Variants in ATG5 observed in about 807,000 individuals in gnomAD.
The protein encoded by ATG5 is autophagy protein 5.
Under a neutral mutation model 36.5 loss-of-function variants are expected in ATG5, and 14 were observed. The ratio of observed to expected loss-of-function variants is 0.38; its 90% CI spans 0.25 to 0.60. The LOEUF is 0.60. Ranked by LOEUF, ATG5 falls within the 20% of genes least tolerant of loss-of-function variation. The pLI is 0.60. For synonymous variants in ATG5, 95 were observed against 101.5 expected (o/e 0.94, Z 0.38); for missense variants, 195 against 326.7 (o/e 0.60, Z 3.11).
At chr6:106,319,182 C>T (rs1770970916) in intron 1 of ATG5, among the ~76,000 whole-genome samples, 1 of 152,144 alleles carries the variant, frequency 6.6e-6, no homozygotes, top group Non-Finnish European at 1.5e-5. Flanking sequence ...TGAACAATGT[C>T]TATCATATAA....
At chr6:106,276,049 CT>C (rs1367055612) in intron 5 of ATG5, among the ~76,000 whole-genome samples, 1 of 152,226 alleles carries the variant, frequency 6.6e-6, no homozygotes, top group African/African-American at 2.4e-5. Context: ...TTCTCACTAA[CT>C]CTTTTCATCA....
intron 5 of ATG5, among the ~76,000 whole-genome samples, chr6:106,263,067 C>T (rs1014494235): frequency 1.5e-4 from 23 of 152,342 alleles, no homozygotes; most frequent in East Asian, 7.7e-4. Flanking sequence ...CCCACTCCTA[C>T]GGAGCCCAGC....
At chr6:106,221,377 T>C (rs1777240016) in intron 6 of ATG5, among the ~76,000 whole-genome samples, 1 of 152,146 alleles carries the variant, frequency 6.6e-6, no homozygotes, top group East Asian at 1.9e-4. Flanking sequence ...ACATTTAACC[T>C]AAACTTTTAT....
chr6:106,319,708 T>A (rs1302513469), intron 1 of ATG5, among the ~76,000 whole-genome samples: 2 of 152,222 alleles, frequency 1.3e-5, no homozygotes, highest in Non-Finnish European at 2.9e-5. Context: ...TTTTTATCAA[T>A]AGTATTTATT....
chr6:106,217,225 A>T (rs190992708), intron 6 of ATG5, among the ~76,000 whole-genome samples: 1 of 152,328 alleles, frequency 6.6e-6, no homozygotes, highest in Admixed American at 6.5e-5. Flanking sequence ...ATTGTATAGC[A>T]TCATGGTGAT....
rs1433121139 is a variant in ATG5 at position 106,231,854 on chromosome 6, C to T, written c.573+16296G>A. Among the ~76,000 whole-genome samples, 6 of 152,094 alleles carry T rather than the reference C, an allele frequency of 3.9e-5. 1 individual carries two copies. In the South Asian group the frequency reaches 6.2e-4, roughly 16 times the overall value. On this transcript the variant is annotated intron_variant, in intron 6 of 7. Coordinates refer to ENST00000369076, the MANE Select transcript of ATG5 (RefSeq NM_004849.4). ...ACAAATGGGATAAAAAAAAGGCCAC[C>T]GCTTTAGTCATGGCCCTCAGGCAAG... is the stretch of plus-strand genomic sequence containing the variant.
chr6:106,286,851 T>G (rs1293359370), intron 4 of ATG5, among the ~76,000 whole-genome samples: 1 of 152,138 alleles, frequency 6.6e-6, no homozygotes, highest in Non-Finnish European at 1.5e-5. Context: ...GGATATGAAT[T>G]CTGCCAGCAA....
intron 5 of ATG5, among the ~76,000 whole-genome samples, chr6:106,252,349 T>TA (rs879940962): frequency 2.8e-3 from 397 of 143,872 alleles, no homozygotes; most frequent in African/African-American, 7.5e-3. Context: ...TTCAATCAAT[T>TA]AAAAAAAAAA....
chr6:106,277,301 GAACATCT>G (rs1779695456), intron 5 of ATG5, among the ~76,000 whole-genome samples: 1 of 152,130 alleles, frequency 6.6e-6, no homozygotes, highest in Non-Finnish European at 1.5e-5. Flanking sequence ...TGCCATGAAA[GAACATCT>G]ACTGGACTAA....
At chr6:106,255,216 T>G (rs965690159) in intron 5 of ATG5, among the ~76,000 whole-genome samples, 1 of 152,206 alleles carries the variant, frequency 6.6e-6, no homozygotes, top group Non-Finnish European at 1.5e-5. Context: ...ACTCTATCGC[T>G]TAAGACCTAG....
At chr6:106,209,387 T>A (rs545133878) in intron 6 of ATG5, among the ~76,000 whole-genome samples, 1 of 152,188 alleles carries the variant, frequency 6.6e-6, no homozygotes, top group Non-Finnish European at 1.5e-5. Context: ...ACAACTTGGA[T>A]AGATCTCAAG....
chr6:106,301,728 G>T (rs987325433), intron 3 of ATG5, among the ~76,000 whole-genome samples: 1 of 151,960 alleles, frequency 6.6e-6, no homozygotes, highest in Non-Finnish European at 1.5e-5. Flanking sequence ...TTGGAATACT[G>T]TAAGTATATA....
At chr6:106,186,732 T>C (rs1775786193) in intron 7 of ATG5, 56 bp from the exon 8 acceptor site, 1 of 1,579,566 alleles carries the variant, frequency 6.3e-7, no homozygotes, top group South Asian at 1.1e-5. Flanking sequence ...GAAGAAAAAA[T>C]AATCTGGTGC....
intron 5 of ATG5, among the ~76,000 whole-genome samples, chr6:106,261,171 A>G (rs897565312): frequency 2.6e-5 from 4 of 152,222 alleles, no homozygotes; most frequent in Admixed American, 2.0e-4. Context: ...AGCTGAAAGG[A>G]AAATACACAG....
intron 7 of ATG5, among the ~76,000 whole-genome samples, chr6:106,189,531 G>A (rs1417936103): frequency 6.6e-6 from 1 of 151,968 alleles, no homozygotes; most frequent in Non-Finnish European, 1.5e-5. Context: ...TGAGGTGGGA[G>A]GATTGCCTGA....
At position 106,248,136 on chromosome 6, in the gene ATG5, A is replaced by T; in HGVS notation, c.573+14T>A. 6.4e-7 allele frequency: 1 copy of T among 1,557,512 alleles called. No individual in the cohort carries two copies. Among genetic ancestry groups the T allele is most frequent in the Non-Finnish European group, 8.9e-7 (1 of 1,129,140 alleles). ...CTTTCATAAATGGATGTTTTTTAAA[A>T]TGTTATTTCCTACCTGATATATTCT... is the stretch of plus-strand genomic sequence containing the variant. On this transcript the variant is annotated intron_variant, in intron 6 of 7. Transcript: ENST00000369076.
intron 5 of ATG5, among the ~76,000 whole-genome samples, chr6:106,262,622 G>A (rs575397147): frequency 6.6e-6 from 1 of 152,198 alleles, no homozygotes; most frequent in Non-Finnish European, 1.5e-5. Flanking sequence ...AACACAGAAG[G>A]CGGCAGGTGA....
intron 7 of ATG5, among the ~76,000 whole-genome samples, chr6:106,193,755 C>T (rs4945747): frequency 0.2 from 30,832 of 152,150 alleles, 3,473 homozygotes; most frequent in Admixed American, 0.34. Context: ...GTATGAACTA[C>T]AGAATAGCTC....
intron 1 of ATG5, among the ~76,000 whole-genome samples, chr6:106,325,109 G>A (rs1771239004): frequency 6.6e-6 from 1 of 152,224 alleles, no homozygotes; most frequent in Admixed American, 6.5e-5. Flanking sequence ...TATTGTTATT[G>A]AGACAGGGAA....
Sources: allele counts gnomAD v4.1 joint callset (sites outside exome capture counted in the v4.1 genomes callset), GRCh38; gene constraint gnomAD v4.1.1; transcripts MANE v1.5; gene names NCBI Gene and HGNC (gene_info 2026-07-23, HGNC 2026-07-21).